The following CUL1 variants were observed in gnomAD, a reference collection of about 807,000 sequenced individuals.
CUL1 encodes the protein cullin 1, also known as cullin-1.
A neutral mutation model predicts 118.0 loss-of-function variants in CUL1; 24 were observed. The ratio of observed to expected loss-of-function variants is 0.20; its 90% confidence interval spans 0.15 to 0.29. The LOEUF is 0.29. CUL1 is among the 10% of genes least tolerant of loss of function. The pLI, the probability that CUL1 is intolerant of heterozygous loss-of-function variation, is 1.00. For missense variants in CUL1, 361 were observed against 933.8 expected (o/e 0.39, Z 7.99); for synonymous variants, 332 against 340.4 (o/e 0.98, Z 0.27).
chr7:148,797,075 GT>G lies in CUL1; in HGVS notation c.1900-734del, dbSNP rs139315812. 6.0e-3 allele frequency among the ~76,000 whole-genome samples: 920 copies of G among 152,170 alleles called. 16 individuals carry two copies. Among genetic ancestry groups the G allele is most frequent in the African/African-American group, 0.021 (867 of 41,504 alleles). ...TGAGGCTGAAGGAGGGCTGGGAAGC[GT>G]TTACCACACCCACCATTCACAGATG... On this transcript the variant is annotated intron_variant, in intron 17 of 21. Coordinates refer to ENST00000325222, the MANE Select transcript of CUL1 (RefSeq NM_003592.3).
intron 1 of CUL1, among the ~76,000 whole-genome samples, chr7:148,699,425 G>A (rs897313603): frequency 1.2e-4 from 18 of 152,236 alleles, no homozygotes; most frequent in African/African-American, 4.3e-4. Flanking sequence ...CGGCTCGGGC[G>A]TCCGCGCCTC....
At chr7:148,766,995 T>G (rs1453218914) in intron 8 of CUL1, among the ~76,000 whole-genome samples, 2 of 152,188 alleles carry the variant, frequency 1.3e-5, no homozygotes, top group African/African-American at 2.4e-5. Flanking sequence ...TGTTCTTCCT[T>G]TGAAAATTCT....
At chr7:148,760,263 C>A (rs1372161406) in intron 6 of CUL1, 70 bp from the exon 7 acceptor site, 2 of 1,311,994 alleles carry the variant, frequency 1.5e-6, no homozygotes, top group African/African-American at 3.0e-5. Context: ...GAATGCTACA[C>A]CTAAGTATAT....
chr7:148,795,207 G>A (rs1004047912), intron 17 of CUL1, among the ~76,000 whole-genome samples: 4 of 151,904 alleles, frequency 2.6e-5, no homozygotes, highest in African/African-American at 9.7e-5. Flanking sequence ...GTGCAATGGT[G>A]CAGTCATAGC....
chr7:148,743,707 C>G (rs752903712), intron 2 of CUL1, among the ~76,000 whole-genome samples: 1 of 152,156 alleles, frequency 6.6e-6, no homozygotes, highest in African/African-American at 2.4e-5. Context: ...GCGGGCAGAT[C>G]GCCTGATGCC....
intron 2 of CUL1, among the ~76,000 whole-genome samples, chr7:148,747,617 C>T (rs1012030398): frequency 4.6e-5 from 7 of 152,250 alleles, no homozygotes; most frequent in African/African-American, 1.7e-4. Flanking sequence ...AATCATCGAC[C>T]TACTCTCCCA....
At chr7:148,699,525 C>A (rs1161127714) in intron 1 of CUL1, among the ~76,000 whole-genome samples, 1 of 152,114 alleles carries the variant, frequency 6.6e-6, no homozygotes, top group African/African-American at 2.4e-5. Flanking sequence ...TTCCGGCCGA[C>A]GCGTGTTCCC....
In CUL1 at chr7:148,760,509, A is replaced by G. The variant is rs755187177; in HGVS notation, c.789+13A>G. Reference sequence around the variant, plus strand: ...ATATATGAAAAAGGTAAGCTTAAATATAGTACTTTAAGTAGACTTAAGTTA... The same window carrying G: ...ATATATGAAAAAGGTAAGCTTAAATGTAGTACTTTAAGTAGACTTAAGTTA... On this transcript the variant is annotated intron_variant, in intron 7 of 21. Coordinates refer to ENST00000325222, the MANE Select transcript of CUL1 (RefSeq NM_003592.3). 22 of 1,590,712 alleles carry G rather than the reference A, an allele frequency of 1.4e-5. No individual in the cohort carries two copies. The East Asian group carries it at 4.3e-4, about 31-fold the overall frequency.
Position 148,800,680 on chromosome 7 carries a change from T to C in CUL1, c.*98T>C. 1 of 905,958 alleles carries C rather than the reference T, an allele frequency of 1.1e-6. No individual in the cohort carries two copies. Among genetic ancestry groups the C allele is most frequent in the Non-Finnish European group, 1.7e-6 (1 of 572,974 alleles). The allele number at this position is 905,958 out of a possible 1,614,324, so 56.1% of individuals were successfully genotyped here. A position where few individuals can be genotyped will look rare whatever the true frequency, so the allele number is the denominator to read the frequency against. ...TTCATAGCAGCCAGCCTGCCGCCATTGGACCTCCCTTTTAAAAACTGAGAC... is the reference window on the plus strand; with the variant it reads ...TTCATAGCAGCCAGCCTGCCGCCATCGGACCTCCCTTTTAAAAACTGAGAC... On this transcript the variant is annotated 3_prime_UTR_variant, in exon 22 of 22. Coordinates refer to ENST00000325222, the MANE Select transcript of CUL1 (RefSeq NM_003592.3). The surrounding 1 kb of genome is among the most constrained non-coding windows in gnomAD (Gnocchi z 4.6).
intron 4 of CUL1, among the ~76,000 whole-genome samples, chr7:148,758,082 CTCA>C (rs1217691389): frequency 6.6e-6 from 1 of 152,176 alleles, no homozygotes; most frequent in African/African-American, 2.4e-5. Flanking sequence ...ATTCTCAGGC[CTCA>C]TCCTAGACTT....
chr7:148,798,548 CGGTTT>C lies in CUL1; in HGVS notation c.2031-23_2031-19del, dbSNP rs776859789. On this transcript the variant is annotated intron_variant, in intron 19 of 21. Transcript: ENST00000325222. ...GCCTACCTTTTAATATAATAGTGAT[CGGTTT>C]CCTCATTTTTCTTGATAGTAAGAAA... 5.8e-6 allele frequency: 9 copies of C among 1,549,008 alleles called. No homozygotes were observed. The African/African-American group carries it at 1.2e-4, about 21-fold the overall frequency.
chr7:148,730,135 C>G lies in CUL1; in HGVS notation c.13C>G (p.Arg5Gly). The change falls in exon 2 of 22, where the codon CGG (arginine) becomes GGG (glycine). Residue 5 changes from arginine (R) to glycine (G), a missense_variant. By Grantham distance (125) the Arg-to-Gly change is moderately radical (BLOSUM62 -2). Coordinates refer to ENST00000325222, the MANE Select transcript of CUL1 (RefSeq NM_003592.3). Reference protein sequence around the residue: MSSTRSQNPHGLKQI... With the variant: MSSTGSQNPHGLKQI... ...AACATCCCTCACAATGTCGTCAACC[C>G]GGAGCCAGAACCCCCACGGCCTGAA... The G allele has an allele frequency of 6.2e-7, 1 of 1,613,556 alleles. No individual in the cohort carries two copies. Among genetic ancestry groups the G allele is most frequent in the Non-Finnish European group, 8.5e-7 (1 of 1,179,836 alleles).
chr7:148,761,074 C>T (rs763685257), intron 7 of CUL1, among the ~76,000 whole-genome samples: 17 of 152,202 alleles, frequency 1.1e-4, no homozygotes, highest in African/African-American at 4.1e-4. Context: ...GATAGGTTGC[C>T]CAGGTTGGTC....
At chr7:148,792,037 T>C (rs893314710) in intron 16 of CUL1, among the ~76,000 whole-genome samples, 3 of 152,092 alleles carry the variant, frequency 2.0e-5, no homozygotes, top group African/African-American at 7.2e-5. Context: ...AATACAAAAA[T>C]TAGCTGGGTG....
chr7:148,721,198 G>C (rs1308650601), intron 1 of CUL1, among the ~76,000 whole-genome samples: 1 of 152,140 alleles, frequency 6.6e-6, no homozygotes, highest in Non-Finnish European at 1.5e-5. Context: ...CATGTTCCAT[G>C]TTAAGAAGCA....
chr7:148,766,031 A>C (rs1799991833), intron 7 of CUL1, among the ~76,000 whole-genome samples: 1 of 152,230 alleles, frequency 6.6e-6, no homozygotes, highest in South Asian at 2.1e-4. Flanking sequence ...CTTAAAAAGG[A>C]AGTTTGAAAT....
At chr7:148,792,856 C>T (rs745826096) in intron 17 of CUL1, 38 bp downstream of exon 17, 17 of 1,455,348 alleles carry the variant, frequency 1.2e-5, no homozygotes, top group South Asian at 9.5e-5. Flanking sequence ...ATCAGCTTGC[C>T]GTTTCCTTGT....
At chr7:148,739,177 C>G (rs1265785696) in intron 2 of CUL1, among the ~76,000 whole-genome samples, 1 of 152,190 alleles carries the variant, frequency 6.6e-6, no homozygotes, top group African/African-American at 2.4e-5. Flanking sequence ...AGCGCTTTTT[C>G]CTCAGGTCTC....
intron 1 of CUL1, among the ~76,000 whole-genome samples, chr7:148,724,940 C>A (rs1253109419): frequency 1.3e-5 from 2 of 152,032 alleles, no homozygotes; most frequent in East Asian, 3.9e-4. Context: ...AATATTTTTA[C>A]CCCTTACCTA....
Sources: gnomAD v4.1 joint callset for allele counts (sites outside exome capture counted in the v4.1 genomes callset) on GRCh38, gnomAD v4.1.1 for gene constraint, Gnocchi (gnomAD v3.1) non-coding constraint, MANE v1.5 for transcripts, NCBI Gene and HGNC (gene_info 2026-07-23, HGNC 2026-07-21) for gene names.